EPHA6: variants seen among roughly 807,000 people sequenced by gnomAD.
EPHA6 encodes the protein ephrin type-A receptor 6.
A neutral mutation model predicts 112.0 loss-of-function variants in EPHA6; 50 were observed. The ratio of observed to expected loss-of-function variants is 0.45; its 90% confidence interval spans 0.36 to 0.56. EPHA6 has a LOEUF of 0.56. EPHA6 is among the 20% of genes least tolerant of loss of function. The pLI is 0.00. For missense variants in EPHA6, 1,280 were observed against 1,417.4 expected, an observed-to-expected ratio of 0.90 and a Z score of 1.56; for synonymous variants, 529 against 490.7, an observed-to-expected ratio of 1.08 and a Z score of -1.03.
chr3:96,955,290 T>C (rs1403961299), intron 2 of EPHA6, among the ~76,000 whole-genome samples: 2 of 152,218 alleles, frequency 1.3e-5, no homozygotes, highest in African/African-American at 4.8e-5. Context: ...ATGGTGTTTT[T>C]TGTCTATGGA....
chr3:97,272,242 G>T (rs904734676), intron 5 of EPHA6, among the ~76,000 whole-genome samples: 1 of 152,070 alleles, frequency 6.6e-6, no homozygotes, highest in African/African-American at 2.4e-5. Flanking sequence ...GTTCAGCCAT[G>T]TTGTTACTAA....
intron 7 of EPHA6, among the ~76,000 whole-genome samples, chr3:97,473,334 A>C (rs1464163297): frequency 6.7e-6 from 1 of 149,834 alleles, no homozygotes; most frequent in Non-Finnish European, 1.5e-5. Flanking sequence ...ATCCAATTAA[A>C]ATTTTAATTA....
At chr3:97,174,170 T>C (rs191387229) in intron 3 of EPHA6, among the ~76,000 whole-genome samples, 114 of 151,950 alleles carry the variant, frequency 7.5e-4, no homozygotes, top group African/African-American at 2.6e-3. Flanking sequence ...TGTACCTGGC[T>C]TATTTCACTT....
Position 97,722,833 on chromosome 3 carries a change from T to C in EPHA6, c.2934+2423T>C, listed in dbSNP as rs373604215. 9.2e-5 allele frequency among the ~76,000 whole-genome samples: 14 copies of C among 152,202 alleles called. No homozygotes were observed. The South Asian group carries it at 2.7e-3, about 29-fold the overall frequency. On this transcript the variant is annotated intron_variant, in intron 15 of 17. Coordinates refer to ENST00000389672, the MANE Select transcript of EPHA6 (RefSeq NM_001080448.3). ...CATTCATAAATAATCATTCTTATAA[T>C]AGGAGGATACAAATAAATATAAAAA...
At chr3:97,292,945 G>T (rs1209097508) in intron 5 of EPHA6, among the ~76,000 whole-genome samples, 1 of 151,584 alleles carries the variant, frequency 6.6e-6, no homozygotes, top group East Asian at 2.0e-4. Context: ...TTGCAGGCAG[G>T]TCATCTCACC....
chr3:97,162,773 G>A (rs2076445813), intron 3 of EPHA6, among the ~76,000 whole-genome samples: 1 of 152,130 alleles, frequency 6.6e-6, no homozygotes, highest in Non-Finnish European at 1.5e-5. Context: ...GGAATTGATT[G>A]AGAGAGCATG....
intron 15 of EPHA6, among the ~76,000 whole-genome samples, chr3:97,725,318 T>C (rs745460293): frequency 6.6e-6 from 1 of 152,038 alleles, no homozygotes; most frequent in Non-Finnish European, 1.5e-5. Context: ...TGCCCCACAC[T>C]AAACAAAAAC....
chr3:97,251,327 G>A (rs192868394), intron 5 of EPHA6, among the ~76,000 whole-genome samples: 1,729 of 152,010 alleles, frequency 0.011, 34 homozygotes, highest in African/African-American at 0.038. Flanking sequence ...TCAGGAGATC[G>A]AGACCGTCCT....
chr3:97,062,688 G>A lies in EPHA6; in HGVS notation c.1114+74695G>A, dbSNP rs1186327424. Among the ~76,000 whole-genome samples, 3 of 152,098 alleles carry A rather than the reference G, an allele frequency of 2.0e-5. No homozygotes were observed. In the South Asian group the frequency reaches 6.2e-4, roughly 32 times the overall value. On this transcript the variant is annotated intron_variant, in intron 3 of 17. Transcript: ENST00000389672. ...TGAATAAGTCTTATGAGATCTGATG[G>A]TTTTATAAGGGGAAACCCCTCTTGC... is the stretch of plus-strand genomic sequence containing the variant.
chr3:97,582,144 C>T (rs1049773080), intron 11 of EPHA6, among the ~76,000 whole-genome samples: 8 of 152,128 alleles, frequency 5.3e-5, no homozygotes, highest in African/African-American at 7.2e-5. Context: ...ATTCTCCTGC[C>T]TCAGCCTCCT....
chr3:97,424,209 C>A (rs966487380), intron 6 of EPHA6, among the ~76,000 whole-genome samples: 1 of 152,136 alleles, frequency 6.6e-6, no homozygotes, highest in Non-Finnish European at 1.5e-5. Flanking sequence ...TGTTCAGTAC[C>A]ATGAGAACAG....
At chr3:97,140,931 A>T (rs2075884341) in intron 3 of EPHA6, among the ~76,000 whole-genome samples, 1 of 152,070 alleles carries the variant, frequency 6.6e-6, no homozygotes, top group African/African-American at 2.4e-5. Context: ...CCTACAGGAG[A>T]TCTACCTAAC....
chr3:96,906,004 A>G (rs1172041559), intron 2 of EPHA6, among the ~76,000 whole-genome samples: 2 of 152,128 alleles, frequency 1.3e-5, no homozygotes, highest in African/African-American at 2.4e-5. Flanking sequence ...TATGGCAACA[A>G]CTTTTTCTCT....
intron 3 of EPHA6, among the ~76,000 whole-genome samples, chr3:97,031,853 T>G (rs1054402668): frequency 6.6e-6 from 1 of 152,154 alleles, no homozygotes; most frequent in African/African-American, 2.4e-5. Flanking sequence ...TTGGTGGGAC[T>G]GTAAACTAGT....
intron 1 of EPHA6, among the ~76,000 whole-genome samples, chr3:96,851,653 A>G (rs777088326): frequency 6.6e-6 from 1 of 152,162 alleles, no homozygotes; most frequent in Non-Finnish European, 1.5e-5. Flanking sequence ...CACCTGGTGA[A>G]AGATATCAGA....
chr3:96,900,999 G>A (rs2038575668), intron 2 of EPHA6, among the ~76,000 whole-genome samples: 1 of 152,112 alleles, frequency 6.6e-6, no homozygotes, highest in Non-Finnish European at 1.5e-5. Context: ...AACTAAACTT[G>A]ATTTCATGGC....
chr3:96,848,784 C>T (rs2035225179), intron 1 of EPHA6, among the ~76,000 whole-genome samples: 1 of 151,974 alleles, frequency 6.6e-6, no homozygotes, highest in Non-Finnish European at 1.5e-5. Flanking sequence ...GTTTTTCATT[C>T]CAGACTAGAG....
At chr3:97,661,348 T>C (rs1372756265) in intron 14 of EPHA6, among the ~76,000 whole-genome samples, 1 of 152,164 alleles carries the variant, frequency 6.6e-6, no homozygotes, top group Non-Finnish European at 1.5e-5. Flanking sequence ...ATTAATGTAG[T>C]TCAACAGCCC....
At position 97,405,151 on chromosome 3, in the gene EPHA6, A is replaced by AT. The variant is rs1457473079; in HGVS notation, c.1608_1609insT (p.Pro537SerfsTer16). Reference sequence around the variant, plus strand: ...CTTAGTTATTTTCTTTCCTTTCAGCACCTTCCCTGATAGGTGTGGTAAGGA... The same window carrying AT: ...CTTAGTTATTTTCTTTCCTTTCAGCATCCTTCCCTGATAGGTGTGGTAAGGA... On this transcript the variant is annotated frameshift_variant and splice_region_variant, in exon 6 of 18. Transcript: ENST00000389672. LOFTEE classifies it high-confidence loss of function. 6.3e-7 allele frequency: 1 copy of AT among 1,592,870 alleles called. No individual in the cohort carries two copies. Among genetic ancestry groups the AT allele is most frequent in the African/African-American group, 1.3e-5 (1 of 74,520 alleles).
Sources: allele counts gnomAD v4.1 joint callset (sites outside exome capture counted in the v4.1 genomes callset), GRCh38; gene constraint gnomAD v4.1.1; transcripts MANE v1.5; gene names NCBI Gene and HGNC (gene_info 2026-07-23, HGNC 2026-07-21).